Variants in WWOX observed in about 807,000 individuals in gnomAD.
The protein encoded by WWOX is WW domain containing oxidoreductase, also known as WW domain-containing oxidoreductase.
WWOX carries 69 observed loss-of-function variants against 46.2 expected under a neutral mutation model. That is an observed-to-expected ratio of 1.49 (90% CI 1.23 to 1.82). The LOEUF (loss-of-function observed/expected upper bound fraction) is 1.82, where lower values mean the gene tolerates loss of function less well. WWOX is among the 40% of genes most tolerant of loss of function. The pLI is 0.00. For missense variants in WWOX, 919 were observed against 542.6 expected, an observed-to-expected ratio of 1.69 and a Z score of -6.89; for synonymous variants, 359 against 202.6, an observed-to-expected ratio of 1.77 and a Z score of -6.56.
chr16:78,408,373 C>T (rs995215827), intron 6 of WWOX, among the ~76,000 whole-genome samples: 2 of 152,120 alleles, frequency 1.3e-5, no homozygotes, highest in Admixed American at 6.5e-5. Context: ...GGCCCCAGAC[C>T]CAGCCACATG....
rs1322322656 is a variant in WWOX at position 79,212,310 on chromosome 16, C to CT, written c.*514_*515insT. ...GCCAGCTTAGCAACTGCTGGGGAGA[C>CT]AAATCTCAGAACCTTGTCCCAGCCA... is the stretch of plus-strand genomic sequence containing the variant. On this transcript the variant is annotated 3_prime_UTR_variant, in exon 9 of 9. Coordinates refer to ENST00000566780, the MANE Select transcript of WWOX (RefSeq NM_016373.4). 1 of 878,998 alleles carries CT rather than the reference C, an allele frequency of 1.1e-6. No individual in the cohort carries two copies. The highest frequency in any genetic ancestry group is 1.7e-5 in the African/African-American group (1 of 58,802). The allele number at this position is 878,998 out of a possible 1,614,324, so 54.4% of individuals were successfully genotyped here. A position where few individuals can be genotyped will look rare whatever the true frequency, so the allele number is the denominator to read the frequency against.
chr16:78,507,573 G>C (rs1028247311), intron 8 of WWOX, among the ~76,000 whole-genome samples: 1 of 152,128 alleles, frequency 6.6e-6, no homozygotes, highest in African/African-American at 2.4e-5. Context: ...TCTTATCCTT[G>C]AGTAAGCAGG....
chr16:79,143,297 A>G (rs1057355127), intron 8 of WWOX, among the ~76,000 whole-genome samples: 2 of 152,220 alleles, frequency 1.3e-5, no homozygotes, highest in Non-Finnish European at 2.9e-5. Flanking sequence ...AGTATATATT[A>G]CAAAAACTGT....
rs2051771515 is a variant in WWOX, at chr16:79,211,910, G to A, written c.*114G>A. Reference sequence around the variant, plus strand: ...TCCAACACAGATCCGCAAGAGTAAAGGAAATAAGAGCAGTCACAACAGAGT... The same window carrying A: ...TCCAACACAGATCCGCAAGAGTAAAAGAAATAAGAGCAGTCACAACAGAGT... On this transcript the variant is annotated 3_prime_UTR_variant, in exon 9 of 9. Coordinates refer to ENST00000566780, the MANE Select transcript of WWOX (RefSeq NM_016373.4). 1.3e-6 allele frequency: 2 copies of A among 1,549,438 alleles called. No homozygotes were observed. The highest frequency in any genetic ancestry group is 2.7e-5 in the African/African-American group (2 of 73,384).
At chr16:78,103,694 TG>T (rs771012814) in intron 1 of WWOX, among the ~76,000 whole-genome samples, 40 of 152,272 alleles carry the variant, frequency 2.6e-4, no homozygotes, top group African/African-American at 8.9e-4. Context: ...GTTTTTCTCT[TG>T]GGGTTTGGGA....
intron 8 of WWOX, among the ~76,000 whole-genome samples, chr16:79,124,141 A>G (rs1183911252): frequency 8.5e-5 from 13 of 152,102 alleles, no homozygotes; most frequent in Non-Finnish European, 1.9e-4. Context: ...TAAACTTCGG[A>G]TGGTGCCCCA....
chr16:78,893,470 C>G lies in WWOX; in HGVS notation c.1057-318138C>G, dbSNP rs72804729. On this transcript the variant is annotated intron_variant, in intron 8 of 8. Coordinates refer to ENST00000566780, the MANE Select transcript of WWOX (RefSeq NM_016373.4). ...TCTGTTGCTACTTAGGAAACCATCT[C>G]CAGGCTAGAACAAGTGCCTGAAATA... Among the ~76,000 whole-genome samples the G allele has an allele frequency of 3.5e-3, 528 of 152,228 alleles. 3 individuals are homozygous for G. The highest frequency in any genetic ancestry group is 6.4e-3 in the Non-Finnish European group (433 of 68,004).
chr16:78,906,006 A>G (rs1039104896), intron 8 of WWOX, among the ~76,000 whole-genome samples: 6 of 152,196 alleles, frequency 3.9e-5, no homozygotes, highest in Non-Finnish European at 7.3e-5. Flanking sequence ...TTTGATAAGT[A>G]TTTTTGGGAT....
chr16:78,663,879 G>C (rs1441802153), intron 8 of WWOX, among the ~76,000 whole-genome samples: 1 of 152,184 alleles, frequency 6.6e-6, no homozygotes, highest in African/African-American at 2.4e-5. Context: ...GTGTTCAAGG[G>C]AGAGTAAGTG....
chr16:78,490,829 G>C (rs1195623056), intron 8 of WWOX, among the ~76,000 whole-genome samples: 1 of 152,160 alleles, frequency 6.6e-6, no homozygotes, highest in Non-Finnish European at 1.5e-5. Flanking sequence ...CTTAGACTAG[G>C]AAATGGCTCC....
At position 79,127,595 on chromosome 16, in the gene WWOX, C is replaced by T. The variant is rs544434747; in HGVS notation, c.1057-84013C>T. ...GTAACCTTGCACCGACATCGCTTCC[C>T]ACGTGCATGCATGTATTTGCAGGAT... On this transcript the variant is annotated intron_variant, in intron 8 of 8. Transcript: ENST00000566780. Among the ~76,000 whole-genome samples the T allele has an allele frequency of 7.2e-5, 11 of 152,314 alleles. 1 individual carries two copies. The highest frequency in any genetic ancestry group is 3.4e-3 in the Middle Eastern group (1 of 294).
At chr16:78,108,311 C>T (rs1015496530) in intron 1 of WWOX, 112 bp from the exon 2 acceptor site, 4 of 1,056,730 alleles carry the variant, frequency 3.8e-6, no homozygotes, top group African/African-American at 1.6e-5. Context: ...CTTCTTCCCC[C>T]TACTTCCTTC....
intron 8 of WWOX, among the ~76,000 whole-genome samples, chr16:78,565,818 G>C (rs1164328235): frequency 6.6e-6 from 1 of 152,178 alleles, no homozygotes; most frequent in East Asian, 1.9e-4. Flanking sequence ...GCCACTCAGT[G>C]ATGGGAGTCT....
chr16:78,766,946 C>A (rs982382109), intron 8 of WWOX, among the ~76,000 whole-genome samples: 2 of 152,154 alleles, frequency 1.3e-5, no homozygotes, highest in South Asian at 4.1e-4. Flanking sequence ...CCTCACTTCC[C>A]CAAGCTTGTG....
At chr16:78,232,933 C>T (rs1032285597) in intron 5 of WWOX, among the ~76,000 whole-genome samples, 2 of 151,976 alleles carry the variant, frequency 1.3e-5, no homozygotes, top group African/African-American at 4.8e-5. Flanking sequence ...TCTCTGCCTC[C>T]TGGGTTCAAG....
At chr16:78,929,187 G>A (rs2045565811) in intron 8 of WWOX, among the ~76,000 whole-genome samples, 1 of 152,010 alleles carries the variant, frequency 6.6e-6, no homozygotes, top group Admixed American at 6.6e-5. Context: ...GTAAATTGAA[G>A]TGTAAATATT....
intron 8 of WWOX, among the ~76,000 whole-genome samples, chr16:78,597,315 G>T (rs1185572088): frequency 3.9e-5 from 6 of 152,148 alleles, no homozygotes; most frequent in African/African-American, 1.4e-4. Context: ...AGCACCTACT[G>T]TGTGCCGGGC....
rs575861073 is a variant in WWOX, at chr16:78,702,243, A to G, written c.1056+269491A>G. Among the ~76,000 whole-genome samples, 14 of 150,004 alleles carry G rather than the reference A, an allele frequency of 9.3e-5. No individual in the cohort carries two copies. The South Asian group carries it at 2.1e-3, about 23-fold the overall frequency. ...GGCAGTGAGCAGTGATGACTCCACT[A>G]TACTCCAGCCTGGGTGACAGAGTGA... On this transcript the variant is annotated intron_variant, in intron 8 of 8. Coordinates refer to ENST00000566780, the MANE Select transcript of WWOX (RefSeq NM_016373.4).
At chr16:78,147,900 C>T (rs186358156) in intron 4 of WWOX, among the ~76,000 whole-genome samples, 4 of 151,598 alleles carry the variant, frequency 2.6e-5, no homozygotes, top group African/African-American at 9.7e-5. Context: ...AGAGGGATCA[C>T]AGCCCTTTTG....
Sources: allele counts gnomAD v4.1 joint callset (sites outside exome capture counted in the v4.1 genomes callset), GRCh38; gene constraint gnomAD v4.1.1; transcripts MANE v1.5; gene names NCBI Gene and HGNC (gene_info 2026-07-23, HGNC 2026-07-21).